MOXD1: variants seen among roughly 807,000 people sequenced by gnomAD.
MOXD1 encodes DBH-like monooxygenase protein 1.
In MOXD1, 62 loss-of-function variants were observed where a neutral mutation model predicts 66.6. That is an observed-to-expected ratio of 0.93 (90% CI 0.76 to 1.15). MOXD1 has a LOEUF of 1.15. Among genes scored for constraint, MOXD1 ranks in the 50% most tolerant of loss-of-function variants. The pLI is 0.00. For missense variants in MOXD1, 847 were observed against 754.6 expected, an observed-to-expected ratio of 1.12 and a Z score of -1.44; for synonymous variants, 303 against 281.9, an observed-to-expected ratio of 1.07 and a Z score of -0.75.
At chr6:132,354,746 C>A (rs1018397757) in intron 4 of MOXD1, among the ~76,000 whole-genome samples, 2 of 152,092 alleles carry the variant, frequency 1.3e-5, no homozygotes, top group Admixed American at 1.3e-4. Flanking sequence ...TCTTCAGCTA[C>A]CAGGGTGGGT....
chr6:132,354,204 A>AT (rs969606943), intron 4 of MOXD1, among the ~76,000 whole-genome samples: 2 of 152,148 alleles, frequency 1.3e-5, no homozygotes, highest in Middle Eastern at 6.8e-3. Context: ...AGCTAGTGTG[A>AT]TTTTTTGGGG....
intron 9 of MOXD1, among the ~76,000 whole-genome samples, chr6:132,316,749 C>G (rs1419725285): frequency 6.6e-6 from 1 of 151,994 alleles, no homozygotes; most frequent in Non-Finnish European, 1.5e-5. Flanking sequence ...CTTCAGAGAT[C>G]TATGGGACAA....
At chr6:132,387,570 A>C (rs1776676635) in intron 1 of MOXD1, among the ~76,000 whole-genome samples, 1 of 150,440 alleles carries the variant, frequency 6.6e-6, no homozygotes, top group African/African-American at 2.4e-5. Context: ...CCTGGCCAAC[A>C]AGGTGAAACT....
chr6:132,315,082 A>G (rs1318359734), intron 10 of MOXD1, among the ~76,000 whole-genome samples: 2 of 152,192 alleles, frequency 1.3e-5, no homozygotes, highest in Non-Finnish European at 2.9e-5. Flanking sequence ...TGTGCAAACA[A>G]TGCAGTTTAT....
At chr6:132,328,682 T>C in intron 4 of MOXD1, 88 bp from the exon 5 acceptor site, 3 of 1,240,074 alleles carry the variant, frequency 2.4e-6, no homozygotes, top group Non-Finnish European at 3.4e-6. Context: ...CATAAATTAC[T>C]GTCAGTTTCT....
At chr6:132,310,544 C>G (rs762019345) in intron 10 of MOXD1, among the ~76,000 whole-genome samples, 1 of 152,132 alleles carries the variant, frequency 6.6e-6, no homozygotes. Context: ...GACACATGCA[C>G]TTGTATGTTT....
chr6:132,348,635 A>G (rs1440339030), intron 4 of MOXD1, among the ~76,000 whole-genome samples: 6 of 152,214 alleles, frequency 3.9e-5, no homozygotes, highest in Non-Finnish European at 7.3e-5. Flanking sequence ...CATATAAAAA[A>G]CACGGGTGAT....
intron 10 of MOXD1, among the ~76,000 whole-genome samples, chr6:132,304,536 C>T (rs1774644082): frequency 6.6e-6 from 1 of 152,160 alleles, no homozygotes; most frequent in Admixed American, 6.6e-5. Flanking sequence ...GGGACATGTA[C>T]AGTAGAGGCT....
rs187957966 is a variant in MOXD1 at position 132,330,929 on chromosome 6, T to C, written c.664-2335A>G. 4.1e-3 allele frequency among the ~76,000 whole-genome samples: 626 copies of C among 152,318 alleles called. 5 individuals are homozygous for C. Among genetic ancestry groups the C allele is most frequent in the Middle Eastern group, 0.024 (7 of 292 alleles). On this transcript the variant is annotated intron_variant, in intron 4 of 11. Transcript: ENST00000367963. ...GTTACATAGCGAGTCATGCCACACC[T>C]AAGCCTCAGGTACATTTTCAACATC...
intron 4 of MOXD1, 58 bp from the exon 5 acceptor site, chr6:132,328,652 CACAACAAACGTGAA>C: frequency 6.7e-7 from 1 of 1,485,672 alleles, no homozygotes; most frequent in Non-Finnish European, 9.2e-7. Context: ...TACAACATCC[CACAACAAACGTGAA>C]ACTAGCATAA....
chr6:132,301,471 C>T (rs1774535188), intron 10 of MOXD1, among the ~76,000 whole-genome samples: 1 of 151,712 alleles, frequency 6.6e-6, no homozygotes, highest in African/African-American at 2.4e-5. Context: ...TCCCTCTGTT[C>T]TATATAAATT....
At chr6:132,367,086 T>C (rs1405545019) in intron 4 of MOXD1, among the ~76,000 whole-genome samples, 2 of 152,076 alleles carry the variant, frequency 1.3e-5, no homozygotes, top group Non-Finnish European at 2.9e-5. Flanking sequence ...CCTGTAGCAA[T>C]TGATGATGAA....
chr6:132,306,122 G>C (rs1053392065), intron 10 of MOXD1, among the ~76,000 whole-genome samples: 1 of 152,072 alleles, frequency 6.6e-6, no homozygotes, highest in Non-Finnish European at 1.5e-5. Flanking sequence ...CTTCATAAAA[G>C]GTTGAGGAAC....
chr6:132,340,669 C>T (rs1241240428), intron 4 of MOXD1, among the ~76,000 whole-genome samples: 2 of 106,088 alleles, frequency 1.9e-5, no homozygotes, highest in African/African-American at 1.1e-4. Flanking sequence ...TTTTTTGAGC[C>T]GGAGTCTCGC....
At chr6:132,370,971 T>C (rs2114659324) in intron 4 of MOXD1, among the ~76,000 whole-genome samples, 1 of 152,230 alleles carries the variant, frequency 6.6e-6, no homozygotes, top group Middle Eastern at 3.4e-3. Flanking sequence ...ACATACATAA[T>C]TATTTTATTT....
At chr6:132,397,431 T>C (rs898642774) in intron 1 of MOXD1, among the ~76,000 whole-genome samples, 3 of 152,172 alleles carry the variant, frequency 2.0e-5, no homozygotes, top group African/African-American at 7.2e-5. Context: ...GAATTTTCAT[T>C]ATTTGGGTTG....
chr6:132,323,821 T>C, intron 7 of MOXD1, 110 bp downstream of exon 7: 1 of 1,213,096 alleles, frequency 8.2e-7, no homozygotes, highest in Non-Finnish European at 1.1e-6. Context: ...TTTCACAGTG[T>C]GTCAACAAGA....
Position 132,297,161 on chromosome 6 carries a change from T to C in MOXD1, c.1834A>G (p.Ser612Gly). 1 of 1,613,128 alleles carries C rather than the reference T, an allele frequency of 6.2e-7. No homozygotes were observed. The highest frequency in any genetic ancestry group is 1.1e-5 in the South Asian group (1 of 91,012). ...LLLSCTLSTK[S>G]L ...GTCCAACAGAATTTTGATCACAAGC[T>C]CTTGGTGCTCAGCGTGCAGCTGAGT... Residue 612 changes from serine (S) to glycine (G), a missense_variant, in exon 12 of 12, where the codon AGC becomes GGC. By Grantham distance (56) the Ser-to-Gly change is moderately conservative. Coordinates refer to ENST00000367963, the MANE Select transcript of MOXD1 (RefSeq NM_015529.4).
chr6:132,321,035 G>A (rs915146492), intron 8 of MOXD1, among the ~76,000 whole-genome samples: 4 of 152,190 alleles, frequency 2.6e-5, no homozygotes, highest in Non-Finnish European at 5.9e-5. Context: ...GGGAGGGCAA[G>A]GCAGGTGGAT....
Sources: gnomAD v4.1 joint callset for allele counts (sites outside exome capture counted in the v4.1 genomes callset) on GRCh38, gnomAD v4.1.1 for gene constraint, MANE v1.5 for transcripts, NCBI Gene and HGNC (gene_info 2026-07-23, HGNC 2026-07-21) for gene names.